Variants in PLXNA4 observed in about 807,000 individuals in gnomAD.
PLXNA4 encodes the protein plexin-A4.
A neutral mutation model predicts 191.8 loss-of-function variants in PLXNA4; 44 were observed. The ratio of observed to expected loss-of-function variants is 0.23; its 90% CI spans 0.18 to 0.29. The LOEUF (loss-of-function observed/expected upper bound fraction) is 0.29, where lower values mean the gene tolerates loss of function less well. Among genes scored for constraint, PLXNA4 ranks in the 10% least tolerant of loss-of-function variants. The pLI, the probability that PLXNA4 is intolerant of heterozygous loss-of-function variation, is 1.00. For synonymous variants in PLXNA4, 1,082 were observed against 1,009.5 expected (o/e 1.07, Z -1.36); for missense variants, 1,800 against 2,488.8 (o/e 0.72, Z 5.89).
rs113934937 is a variant in PLXNA4 at position 132,512,773 on chromosome 7, T to G, written c.-86-3994A>C. On this transcript the variant is annotated intron_variant, in intron 1 of 31. Transcript: ENST00000321063. ...GGCAAAGCAAGAGTTTCCAGGGGGG[T>G]TTCCCTTCCAGGATGTCAATTCTTG... Among the ~76,000 whole-genome samples the G allele has an allele frequency of 8.7e-3, 1,320 of 152,074 alleles. 38 individuals carry two copies. The highest frequency in any genetic ancestry group is 0.03 in the African/African-American group (1,259 of 41,476).
intron 3 of PLXNA4, among the ~76,000 whole-genome samples, chr7:132,362,884 A>G (rs1804004444): frequency 6.6e-6 from 1 of 152,240 alleles, no homozygotes; most frequent in South Asian, 2.1e-4. Flanking sequence ...TATACATAGC[A>G]TAAAACTTGC....
At chr7:132,282,544 T>C (rs976396596) in intron 4 of PLXNA4, among the ~76,000 whole-genome samples, 1 of 134,894 alleles carries the variant, frequency 7.4e-6, no homozygotes, top group African/African-American at 2.8e-5. Context: ...GAAGTTGCAG[T>C]GAGCCACGAT....
chr7:132,485,016 A>G (rs911166441), intron 3 of PLXNA4: 1 of 1,611,444 alleles, frequency 6.2e-7, no homozygotes, highest in South Asian at 1.1e-5. Flanking sequence ...CCGAAGGACT[A>G]GGGAACAAAA....
intron 1 of PLXNA4, among the ~76,000 whole-genome samples, chr7:132,511,778 T>TTGCTTGTGCAATGA (rs1371584284): frequency 3.3e-5 from 5 of 152,242 alleles, no homozygotes; most frequent in African/African-American, 4.8e-5. Context: ...ATGGTTCACC[T>TTGCTTGTGCAATGA]TGAATTGCTT....
chr7:132,378,518 T>C (rs77149536), intron 3 of PLXNA4, among the ~76,000 whole-genome samples: 1,917 of 152,256 alleles, frequency 0.013, 51 homozygotes, highest in African/African-American at 0.043. Context: ...GTTCTGAGGA[T>C]TGTGCCCATC....
chr7:132,325,560 G>A (rs1802325046), intron 3 of PLXNA4, among the ~76,000 whole-genome samples: 1 of 151,966 alleles, frequency 6.6e-6, no homozygotes, highest in Non-Finnish European at 1.5e-5. Context: ...CTTAAAAGAA[G>A]AGGAAAATGC....
chr7:132,523,282 A>G (rs1399547706), intron 1 of PLXNA4, among the ~76,000 whole-genome samples: 2 of 152,248 alleles, frequency 1.3e-5, no homozygotes, highest in Non-Finnish European at 2.9e-5. Context: ...AACTGTTGCA[A>G]GCGTGACCTC....
Position 132,469,451 on chromosome 7 carries a change from C to T in PLXNA4, c.1371+19841G>A, listed in dbSNP as rs76643022. ...GCCCTGACTGATTGGAAGTCATTTC[C>T]GCTTTTTCAGCAGACCCAGCCTCAG... On this transcript the variant is annotated intron_variant, in intron 3 of 31. Transcript: ENST00000321063. 0.017 allele frequency among the ~76,000 whole-genome samples: 2,531 copies of T among 152,300 alleles called. 250 individuals are homozygous for T. The East Asian group carries it at 0.29, about 17-fold the overall frequency.
At chr7:132,539,689 G>A (rs1799988055) in intron 1 of PLXNA4, among the ~76,000 whole-genome samples, 1 of 152,196 alleles carries the variant, frequency 6.6e-6, no homozygotes, top group Non-Finnish European at 1.5e-5. Flanking sequence ...TCACAGGGTT[G>A]TTGGTTACAA....
intron 4 of PLXNA4, among the ~76,000 whole-genome samples, chr7:132,286,583 C>T (rs1800691492): frequency 6.6e-6 from 1 of 152,190 alleles, no homozygotes; most frequent in South Asian, 2.1e-4. Flanking sequence ...TCACCCACCC[C>T]TGCTCTACCT....
intron 2 of PLXNA4, among the ~76,000 whole-genome samples, chr7:132,598,009 T>C (rs1373251449): frequency 6.6e-6 from 1 of 152,202 alleles, no homozygotes; most frequent in African/African-American, 2.4e-5. Context: ...ATGGAATATA[T>C]ACTCAGGAGT....
At chr7:132,260,154 C>G (rs1799586606) in intron 4 of PLXNA4, among the ~76,000 whole-genome samples, 1 of 152,134 alleles carries the variant, frequency 6.6e-6, no homozygotes, top group African/African-American at 2.4e-5. Flanking sequence ...AATCCCATTA[C>G]TAGGTATCAA....
At chr7:132,327,409 G>T (rs1214580655) in intron 3 of PLXNA4, among the ~76,000 whole-genome samples, 1 of 152,170 alleles carries the variant, frequency 6.6e-6, no homozygotes, top group Non-Finnish European at 1.5e-5. Flanking sequence ...TGAAGGTTCA[G>T]GGAAGGTCAT....
At chr7:132,209,028 A>G (rs1797715517) in intron 10 of PLXNA4, among the ~76,000 whole-genome samples, 1 of 152,234 alleles carries the variant, frequency 6.6e-6, no homozygotes, top group Non-Finnish European at 1.5e-5. Flanking sequence ...TCTGGCAGTC[A>G]ATAGAATGGC....
Position 132,148,767 on chromosome 7 carries a change from C to T in PLXNA4, c.4661-121G>A, listed in dbSNP as rs1217841494. 9.1e-6 allele frequency: 13 copies of T among 1,431,970 alleles called. No homozygotes were observed. In the African/African-American group the frequency reaches 1.3e-4, roughly 14 times the overall value. The allele number at this position is 1,431,970 out of a possible 1,614,324, so 88.7% of individuals were successfully genotyped here. ...AGGGTGTGTCCATTGCAAGTGCTAG[C>T]ACATGCTCCTGCGAAAATGGAGTGC... On this transcript the variant is annotated intron_variant, in intron 25 of 31. Transcript: ENST00000321063.
intron 2 of PLXNA4, among the ~76,000 whole-genome samples, chr7:132,644,024 AATGTTT>A (rs1358122879): frequency 6.6e-6 from 1 of 152,184 alleles, no homozygotes; most frequent in Non-Finnish European, 1.5e-5. Flanking sequence ...ATTTTGTGAA[AATGTTT>A]AATTTCAAAT....
intron 3 of PLXNA4, among the ~76,000 whole-genome samples, chr7:132,453,667 G>A (rs1021564647): frequency 6.6e-6 from 1 of 151,904 alleles, no homozygotes; most frequent in African/African-American, 2.4e-5. Context: ...TCAGCCTCCC[G>A]AGTAGCTGGG....
intron 3 of PLXNA4, among the ~76,000 whole-genome samples, chr7:132,333,112 G>A (rs1244008810): frequency 6.6e-6 from 1 of 152,190 alleles, no homozygotes; most frequent in Non-Finnish European, 1.5e-5. Flanking sequence ...CACTCCAAAG[G>A]ACATTCCTGG....
At chr7:132,391,345 TGAA>T (rs1451875923) in intron 3 of PLXNA4, among the ~76,000 whole-genome samples, 2 of 152,198 alleles carry the variant, frequency 1.3e-5, no homozygotes, top group East Asian at 3.9e-4. Flanking sequence ...CAAAGCATGT[TGAA>T]GAAGAAGTAG....
Sources: allele counts gnomAD v4.1 joint callset (sites outside exome capture counted in the v4.1 genomes callset), GRCh38; gene constraint gnomAD v4.1.1; transcripts MANE v1.5; gene names NCBI Gene and HGNC (gene_info 2026-07-23, HGNC 2026-07-21).